Variants in NCOA1 observed in about 807,000 individuals in gnomAD.
NCOA1 encodes the protein nuclear receptor coactivator 1, also known as Hin-2 protein.
NCOA1 carries 35 observed loss-of-function variants against 150.9 expected under a neutral mutation model. That is an observed-to-expected ratio of 0.23 (90% CI 0.18 to 0.31). NCOA1 has a LOEUF of 0.31. NCOA1 is among the 10% of genes least tolerant of loss of function. The probability of loss-of-function intolerance (pLI) is 1.00; values close to 1 mark genes in which losing one functional copy is unlikely to be tolerated. For synonymous variants in NCOA1, 590 were observed against 630.0 expected (o/e 0.94, Z 0.95); for missense variants, 1,491 against 1,749.3 (o/e 0.85, Z 2.63).
At position 24,549,319 on chromosome 2, in the gene NCOA1, T is replaced by C. The variant is rs575828863; in HGVS notation, c.-395-14976T>C. 3.9e-5 allele frequency among the ~76,000 whole-genome samples: 6 copies of C among 152,204 alleles called. No individual in the cohort carries two copies. In the East Asian group the frequency reaches 9.7e-4, roughly 25 times the overall value. The stretch of plus-strand genomic sequence containing the variant: ...GGGCACTAAGTCCCTAGACTGCATA[T>C]AGCAGAGGGACCCTGGGCCTGGCCC... On this transcript the variant is annotated intron_variant, in intron 1 of 22. Transcript: ENST00000348332.
intron 1 of NCOA1, among the ~76,000 whole-genome samples, chr2:24,494,614 GAC>G (rs1663121399): frequency 6.6e-6 from 1 of 152,180 alleles, no homozygotes; most frequent in Non-Finnish European, 1.5e-5. Flanking sequence ...ATTCTCAGAG[GAC>G]CATCAGCTGC....
In NCOA1 at chr2:24,739,358, G is replaced by A. The variant is rs1043644821; in HGVS notation, c.3202-74G>A. ...AAAACTTTTTAGTAATCAATAGAAA[G>A]TTTGTGTTACTTTATAAGGCCCGTG... On this transcript the variant is annotated intron_variant, in intron 17 of 22. Coordinates refer to ENST00000348332, the MANE Select transcript of NCOA1 (RefSeq NM_003743.5). 19 of 1,061,524 alleles carry A rather than the reference G, an allele frequency of 1.8e-5. No homozygotes were observed. In the Admixed American group the frequency reaches 3.5e-4, roughly 20 times the overall value. 65.8% of individuals were successfully genotyped at this position (1,061,524 alleles called of 1,614,324 possible). A position where few individuals can be genotyped will look rare whatever the true frequency, so the allele number is the denominator to read the frequency against.
intron 3 of NCOA1, among the ~76,000 whole-genome samples, chr2:24,623,810 T>C (rs1400095769): frequency 1.3e-5 from 2 of 152,144 alleles, no homozygotes; most frequent in Non-Finnish European, 2.9e-5. Context: ...CCTCCTCCTA[T>C]AAGGACACCA....
rs754510558 is a variant in NCOA1 at position 24,729,588 on chromosome 2, T to C, written c.2974T>C (p.Ser992Pro). 6.2e-7 allele frequency: 1 copy of C among 1,614,078 alleles called. No homozygotes were observed. Among genetic ancestry groups the C allele is most frequent in the Non-Finnish European group, 8.5e-7 (1 of 1,180,020 alleles). ...LIMEERPNLY[S>P]QPYSSPSPTA... ...CATGGAAGAAAGACCCAACCTTTAT[T>C]CCCAGCCTTACTCTTCTCCTTCTCC... The change falls in exon 17 of 23, where the codon TCC (serine) becomes CCC (proline). Residue 992 changes from serine to proline, a missense_variant. Around this residue, in one of 8 missense-constraint regions of NCOA1, gnomAD observed 485 missense variants for 522.8 expected, o/e 0.93. Coordinates refer to ENST00000348332, the MANE Select transcript of NCOA1 (RefSeq NM_003743.5).
chr2:24,566,414 G>A (rs1666508035), intron 2 of NCOA1, among the ~76,000 whole-genome samples: 1 of 152,092 alleles, frequency 6.6e-6, no homozygotes, highest in Admixed American at 6.5e-5. Flanking sequence ...TTTCAGCAGA[G>A]AGGAGACCCT....
At chr2:24,495,679 C>G (rs902508157) in intron 1 of NCOA1, among the ~76,000 whole-genome samples, 2 of 152,108 alleles carry the variant, frequency 1.3e-5, no homozygotes, top group African/African-American at 4.8e-5. Context: ...CATTTTTGCC[C>G]TTTCAGCTTA....
chr2:24,758,012 A>C lies in NCOA1; in HGVS notation c.3921A>C (p.Ala1307=). ...CTGTCCAGAACCAGCCCACGCCTGCACAGCCAGGAGTATACAACAACATGA... is the reference window on the plus strand; with the variant it reads ...CTGTCCAGAACCAGCCCACGCCTGCCCAGCCAGGAGTATACAACAACATGA... ...SQAVQNQPTP[A]QPGVYNNMSI... is the part of the protein sequence containing the mutation. The change falls in exon 21 of 23, where the codon GCA becomes GCC. Residue 1307 remains alanine, a synonymous_variant. Coordinates refer to ENST00000348332, the MANE Select transcript of NCOA1 (RefSeq NM_003743.5). 1 of 1,614,164 alleles carries C rather than the reference A, an allele frequency of 6.2e-7. No individual in the cohort carries two copies. The highest frequency in any genetic ancestry group is 8.5e-7 in the Non-Finnish European group (1 of 1,180,018).
At chr2:24,584,287 T>C (rs1185104170) in intron 2 of NCOA1, among the ~76,000 whole-genome samples, 189 bp from the exon 3 acceptor site, 1 of 152,184 alleles carries the variant, frequency 6.6e-6, no homozygotes, top group Non-Finnish European at 1.5e-5. Flanking sequence ...TTTTGTTTGC[T>C]TCAAGAGAAA....
At chr2:24,765,617 A>G (rs534346024) in intron 22 of NCOA1, among the ~76,000 whole-genome samples, 2 of 152,268 alleles carry the variant, frequency 1.3e-5, no homozygotes, top group East Asian at 3.9e-4. Flanking sequence ...CCAAACAACC[A>G]TGTTTTAAAG....
intron 14 of NCOA1, among the ~76,000 whole-genome samples, chr2:24,712,071 G>A (rs752000005): frequency 1.1e-4 from 16 of 152,280 alleles, no homozygotes; most frequent in East Asian, 9.6e-4. Context: ...GACATTTTTG[G>A]AGGCAGTATT....
At chr2:24,743,571 T>C (rs1447628351) in intron 19 of NCOA1, among the ~76,000 whole-genome samples, 1 of 152,240 alleles carries the variant, frequency 6.6e-6, no homozygotes, top group Admixed American at 6.5e-5. Context: ...TATGGTTGCC[T>C]GAACAAGAGT....
chr2:24,767,996 C>T, intron 22 of NCOA1: 1 of 1,408,608 alleles, frequency 7.1e-7, no homozygotes, highest in South Asian at 1.2e-5. Context: ...GGAGGCGTGA[C>T]CATTCCAATT....
At chr2:24,574,463 T>C (rs1051912974) in intron 2 of NCOA1, among the ~76,000 whole-genome samples, 6 of 152,148 alleles carry the variant, frequency 3.9e-5, no homozygotes, top group African/African-American at 2.4e-5. Flanking sequence ...AAAACTCTTT[T>C]GGGGGAGGTT....
intron 2 of NCOA1, among the ~76,000 whole-genome samples, chr2:24,578,657 C>G (rs1484291193): frequency 6.6e-6 from 1 of 152,044 alleles, no homozygotes; most frequent in Middle Eastern, 3.2e-3. Flanking sequence ...CATAGGGAAT[C>G]AAGTACTCAT....
chr2:24,700,274 G>C (rs1057424217), intron 11 of NCOA1, among the ~76,000 whole-genome samples: 35 of 151,794 alleles, frequency 2.3e-4, no homozygotes, highest in Admixed American at 6.6e-5. Context: ...TTTTCACTTA[G>C]GGACAGTATA....
intron 3 of NCOA1, among the ~76,000 whole-genome samples, chr2:24,588,425 T>TG (rs1667508095): frequency 6.6e-6 from 1 of 152,136 alleles, no homozygotes; most frequent in Non-Finnish European, 1.5e-5. Flanking sequence ...AGCGGGGCCC[T>TG]GTCCCTCGGT....
intron 6 of NCOA1, among the ~76,000 whole-genome samples, chr2:24,667,922 C>T (rs1329235207): frequency 6.6e-6 from 1 of 152,182 alleles, no homozygotes; most frequent in East Asian, 1.9e-4. Context: ...TTTATACCTT[C>T]CTTATTTTCC....
intron 4 of NCOA1, among the ~76,000 whole-genome samples, chr2:24,657,863 A>G (rs1399775578): frequency 3.3e-5 from 5 of 152,230 alleles, no homozygotes; most frequent in Admixed American, 2.6e-4. Flanking sequence ...TTTGGCACTA[A>G]TAAAATCCAA....
chr2:24,574,384 A>C (rs1666863809), intron 2 of NCOA1, among the ~76,000 whole-genome samples: 1 of 152,120 alleles, frequency 6.6e-6, no homozygotes, highest in Non-Finnish European at 1.5e-5. Context: ...TAGAGATTAT[A>C]GAAAAGATGG....
Sources: allele counts gnomAD v4.1 joint callset (sites outside exome capture counted in the v4.1 genomes callset), GRCh38; gene constraint gnomAD v4.1.1; regional missense constraint gnomAD v4.1.1; transcripts MANE v1.5; gene names NCBI Gene and HGNC (gene_info 2026-07-23, HGNC 2026-07-21).